Variants in GRIK1 observed in about 807,000 individuals in gnomAD.
GRIK1 encodes the protein glutamate receptor ionotropic, kainate 1.
GRIK1 carries 69 observed loss-of-function variants against 105.7 expected under a neutral mutation model. That is an observed-to-expected ratio of 0.65 (90% CI 0.54 to 0.80). GRIK1 has a LOEUF of 0.80. Among genes scored for constraint, GRIK1 ranks in the 30% least tolerant of loss-of-function variants. GRIK1 has a pLI of 0.00. For missense variants in GRIK1, 1,109 were observed against 1,167.3 expected (o/e 0.95, Z 0.73); for synonymous variants, 438 against 431.3 (o/e 1.02, Z -0.19).
At chr21:29,883,695 G>A (rs938375276) in intron 1 of GRIK1, among the ~76,000 whole-genome samples, 2 of 152,008 alleles carry the variant, frequency 1.3e-5, no homozygotes, top group African/African-American at 4.8e-5. Flanking sequence ...TTCTGAATGG[G>A]AATGGAAAGA....
intron 1 of GRIK1, among the ~76,000 whole-genome samples, chr21:29,774,720 G>T (rs929791843): frequency 1.3e-5 from 2 of 151,996 alleles, no homozygotes; most frequent in African/African-American, 4.8e-5. Flanking sequence ...AAAGTGTTGG[G>T]ATTACAGGCG....
At chr21:29,725,496 T>C (rs767314427) in intron 1 of GRIK1, among the ~76,000 whole-genome samples, 2 of 152,224 alleles carry the variant, frequency 1.3e-5, no homozygotes, top group Admixed American at 1.3e-4. Context: ...CATATCGTGC[T>C]AGAGCTCAGT....
intron 6 of GRIK1, among the ~76,000 whole-genome samples, chr21:29,645,695 T>C (rs889844569): frequency 1.3e-5 from 2 of 152,212 alleles, no homozygotes; most frequent in African/African-American, 2.4e-5. Flanking sequence ...TTCAGTTTTG[T>C]GCTCGAGGCC....
intron 7 of GRIK1, among the ~76,000 whole-genome samples, chr21:29,623,894 T>C (rs1200501665): frequency 6.6e-6 from 1 of 152,216 alleles, no homozygotes; most frequent in Non-Finnish European, 1.5e-5. Context: ...GAGAATTTCA[T>C]TTATTGTCTT....
At chr21:29,727,774 G>A (rs1601542937) in intron 1 of GRIK1, among the ~76,000 whole-genome samples, 1 of 152,166 alleles carries the variant, frequency 6.6e-6, no homozygotes, top group East Asian at 1.9e-4. Context: ...TAAATAGATA[G>A]AATGAAATAA....
chr21:29,800,084 T>C (rs1403616052), intron 1 of GRIK1, among the ~76,000 whole-genome samples: 1 of 152,218 alleles, frequency 6.6e-6, no homozygotes, highest in East Asian at 1.9e-4. Context: ...TCTTATGCCA[T>C]GGCATGAGAA....
At chr21:29,886,970 T>C (rs1019540312) in intron 1 of GRIK1, among the ~76,000 whole-genome samples, 4 of 152,170 alleles carry the variant, frequency 2.6e-5, no homozygotes, top group African/African-American at 9.7e-5. Context: ...ATTAGATTTA[T>C]TTGGGGGGAT....
At position 29,640,092 on chromosome 21, in the gene GRIK1, G is replaced by A. The variant is rs186358332; in HGVS notation, c.1098+2734C>T. ...CTTCACCCCATAAATTCAATCTGCT[G>A]ACTTGCTTCTTTTCATTTTTTTTTT... On this transcript the variant is annotated intron_variant, in intron 7 of 17. Transcript: ENST00000327783. Among the ~76,000 whole-genome samples, 512 of 150,684 alleles carry A rather than the reference G, an allele frequency of 3.4e-3. 3 individuals are homozygous for A. The highest frequency in any genetic ancestry group is 5.3e-3 in the Non-Finnish European group (361 of 67,882).
At chr21:29,645,105 T>A (rs574912944) in intron 6 of GRIK1, among the ~76,000 whole-genome samples, 35 of 152,322 alleles carry the variant, frequency 2.3e-4, no homozygotes, top group Non-Finnish European at 3.7e-4. Context: ...CACTGATAAT[T>A]TACTATGTGC....
chr21:29,917,650 C>T (rs919853620), intron 1 of GRIK1, among the ~76,000 whole-genome samples: 10 of 151,912 alleles, frequency 6.6e-5, no homozygotes, highest in Admixed American at 1.3e-4. Context: ...GGACAGTGGT[C>T]TCTAAGCATT....
At chr21:29,861,408 T>A (rs575727529) in intron 1 of GRIK1, among the ~76,000 whole-genome samples, 59 of 152,210 alleles carry the variant, frequency 3.9e-4, no homozygotes, top group Non-Finnish European at 5.1e-4. Flanking sequence ...TGGGCTCAAG[T>A]GATTCTCCTA....
chr21:29,648,951 G>A (rs747668023), intron 6 of GRIK1, among the ~76,000 whole-genome samples: 1 of 152,188 alleles, frequency 6.6e-6, no homozygotes, highest in Non-Finnish European at 1.5e-5. Flanking sequence ...CTTTAACGTA[G>A]AGAAGAAAGA....
At chr21:29,651,061 T>G in intron 6 of GRIK1, 57 bp downstream of exon 6, 2 of 1,313,992 alleles carry the variant, frequency 1.5e-6, no homozygotes, top group Non-Finnish European at 2.1e-6. Flanking sequence ...ACGTGAGATC[T>G]TAACCCCGAA....
At chr21:29,612,124 G>T (rs2061743153) in intron 7 of GRIK1, among the ~76,000 whole-genome samples, 1 of 152,194 alleles carries the variant, frequency 6.6e-6, no homozygotes, top group African/African-American at 2.4e-5. Context: ...AGTCCTCTTT[G>T]CAAGGGGTCT....
chr21:29,670,433 G>T (rs2063141816), intron 4 of GRIK1, among the ~76,000 whole-genome samples: 1 of 152,198 alleles, frequency 6.6e-6, no homozygotes, highest in South Asian at 2.1e-4. Context: ...TTTGAATGAT[G>T]TAATCCCCAG....
At chr21:29,872,335 A>T (rs2146141150) in intron 1 of GRIK1, among the ~76,000 whole-genome samples, 1 of 152,078 alleles carries the variant, frequency 6.6e-6, no homozygotes, top group Non-Finnish European at 1.5e-5. Context: ...CTGGGACTAC[A>T]GGAGCCCGCC....
chr21:29,915,718 G>A (rs1411622710), intron 1 of GRIK1, among the ~76,000 whole-genome samples: 1 of 151,952 alleles, frequency 6.6e-6, no homozygotes. Flanking sequence ...TTCCACAGAA[G>A]CTTATAAGCA....
intron 1 of GRIK1, among the ~76,000 whole-genome samples, chr21:29,698,452 C>G (rs79037111): frequency 1.3e-5 from 2 of 152,156 alleles, no homozygotes; most frequent in Non-Finnish European, 2.9e-5. Context: ...GAAGAACAAG[C>G]TTTTTCATTC....
chr21:29,872,745 C>G (rs574202896), intron 1 of GRIK1, among the ~76,000 whole-genome samples: 1 of 152,268 alleles, frequency 6.6e-6, no homozygotes, highest in East Asian at 1.9e-4. Flanking sequence ...GGAAACTCCC[C>G]TTTATAAAAC....
Sources: gnomAD v4.1 joint callset for allele counts (sites outside exome capture counted in the v4.1 genomes callset) on GRCh38, gnomAD v4.1.1 for gene constraint, MANE v1.5 for transcripts, NCBI Gene and HGNC (gene_info 2026-07-23, HGNC 2026-07-21) for gene names.